Variants in CCSER2 observed in about 807,000 individuals in gnomAD.
CCSER2 encodes coiled-coil serine rich protein 2.
CCSER2 carries 46 observed loss-of-function variants against 92.3 expected under a neutral mutation model. The ratio of observed to expected loss-of-function variants is 0.50; its 90% confidence interval spans 0.39 to 0.64. The LOEUF (loss-of-function observed/expected upper bound fraction) is 0.64, where lower values mean the gene tolerates loss of function less well. Among genes scored for constraint, CCSER2 ranks in the 30% least tolerant of loss-of-function variants. CCSER2 has a pLI of 0.00. For synonymous variants in CCSER2, 433 were observed against 431.4 expected (o/e 1.00, Z -0.04); for missense variants, 1,244 against 1,238.9 (o/e 1.00, Z -0.06).
At chr10:84,408,944 A>G (rs1287624120) in intron 3 of CCSER2, among the ~76,000 whole-genome samples, 1 of 152,188 alleles carries the variant, frequency 6.6e-6, no homozygotes, top group East Asian at 1.9e-4. Flanking sequence ...GGTACTGTAA[A>G]TCAAAAAAAT....
chr10:84,441,876 C>T (rs944332182), intron 6 of CCSER2, among the ~76,000 whole-genome samples: 1 of 150,388 alleles, frequency 6.6e-6, no homozygotes, highest in Non-Finnish European at 1.5e-5. Context: ...CCTGCCTCAG[C>T]CTCCCTAGTA....
chr10:84,361,536 T>C (rs1331858088), intron 1 of CCSER2, among the ~76,000 whole-genome samples: 1 of 152,232 alleles, frequency 6.6e-6, no homozygotes, highest in African/African-American at 2.4e-5. Context: ...CTCTGGATTC[T>C]CTTGTTTAAA....
chr10:84,356,379 G>T (rs1262678721), intron 1 of CCSER2, among the ~76,000 whole-genome samples: 1 of 152,136 alleles, frequency 6.6e-6, no homozygotes, highest in East Asian at 1.9e-4. Context: ...AAATGTTAAG[G>T]TATGGGTGTC....
At chr10:84,355,351 C>A (rs1845106282) in intron 1 of CCSER2, among the ~76,000 whole-genome samples, 2 of 152,178 alleles carry the variant, frequency 1.3e-5, no homozygotes, top group Non-Finnish European at 2.9e-5. Flanking sequence ...ATGTGTCATG[C>A]TGATTCTATG....
intron 3 of CCSER2, among the ~76,000 whole-genome samples, chr10:84,416,701 G>A (rs186129406): frequency 6.6e-6 from 1 of 152,216 alleles, no homozygotes; most frequent in Non-Finnish European, 1.5e-5. Flanking sequence ...GGCCGAGGCA[G>A]GCAGATCATG....
intron 1 of CCSER2, among the ~76,000 whole-genome samples, chr10:84,366,963 A>G (rs1443868418): frequency 2.0e-5 from 3 of 152,218 alleles, no homozygotes; most frequent in Non-Finnish European, 4.4e-5. Flanking sequence ...TGAATTTAGA[A>G]TAAATTTTTA....
intron 2 of CCSER2, 94 bp downstream of exon 2, chr10:84,372,563 T>C: frequency 1.2e-6 from 1 of 814,096 alleles, no homozygotes; most frequent in Non-Finnish European, 1.9e-6. Flanking sequence ...TTCAAGATAT[T>C]ATCAGTTTCA....
intron 8 of CCSER2, among the ~76,000 whole-genome samples, chr10:84,470,769 C>T (rs1350903642): frequency 2.0e-5 from 3 of 151,972 alleles, no homozygotes; most frequent in Non-Finnish European, 4.4e-5. Flanking sequence ...TTTAAAGAAA[C>T]AAGTACTTGT....
At chr10:84,407,128 T>C (rs1211917178) in intron 3 of CCSER2, among the ~76,000 whole-genome samples, 1 of 152,188 alleles carries the variant, frequency 6.6e-6, no homozygotes, top group Non-Finnish European at 1.5e-5. Flanking sequence ...ACAATTTAAA[T>C]CTCTTTGCTT....
chr10:84,375,611 G>T (rs1195054014), intron 3 of CCSER2, among the ~76,000 whole-genome samples: 2 of 123,264 alleles, frequency 1.6e-5, no homozygotes, highest in African/African-American at 3.1e-5. Flanking sequence ...TATGCTTTTT[G>T]TTTTCACACT....
At chr10:84,499,561 G>A (rs1848615960) in intron 9 of CCSER2, among the ~76,000 whole-genome samples, 1 of 151,930 alleles carries the variant, frequency 6.6e-6, no homozygotes, top group Non-Finnish European at 1.5e-5. Flanking sequence ...CAAAAGACTG[G>A]AATCTGCTAC....
intron 9 of CCSER2, among the ~76,000 whole-genome samples, chr10:84,501,834 A>AAATATATAT (rs1167460274): frequency 5.0e-5 from 2 of 40,140 alleles, no homozygotes; most frequent in African/African-American, 9.4e-5. Context: ...AAAAAAAAAA[A>AAATATATAT]ATATATATAT....
chr10:84,331,350 G>A (rs1458550920), intron 1 of CCSER2, among the ~76,000 whole-genome samples: 1 of 152,154 alleles, frequency 6.6e-6, no homozygotes, highest in African/African-American at 2.4e-5. Flanking sequence ...CCTTGTGGCT[G>A]AGAAACATGA....
chr10:84,402,975 TA>T (rs1409249087), intron 3 of CCSER2, among the ~76,000 whole-genome samples: 1 of 152,112 alleles, frequency 6.6e-6, no homozygotes, highest in Admixed American at 6.5e-5. Flanking sequence ...AAAATTTATA[TA>T]AAAAAGCAAG....
intron 9 of CCSER2, among the ~76,000 whole-genome samples, chr10:84,505,696 A>G (rs1176766944): frequency 2.6e-5 from 4 of 152,132 alleles, no homozygotes; most frequent in Non-Finnish European, 5.9e-5. Flanking sequence ...GCCAATTTCA[A>G]GGACTATCTA....
intron 9 of CCSER2, among the ~76,000 whole-genome samples, chr10:84,510,068 C>G (rs1849272200): frequency 1.3e-5 from 2 of 152,140 alleles, no homozygotes; most frequent in Admixed American, 6.5e-5. Context: ...ATCTATATCT[C>G]CCATCATCTA....
Position 84,513,869 on chromosome 10 carries a change from C to T in CCSER2, c.2746C>T (p.Gln916Ter). The change falls in exon 10 of 10, where the codon CAG becomes TAG. Residue 916 changes from glutamine to a stop codon, truncating the protein, a stop_gained. Transcript: ENST00000372088. LOFTEE classifies it high-confidence loss of function. ...GTCTCCGCCAGTGGGTTATATGTCTCAGCCCAAGTCCTTGCAGCTTTTAAA... is the reference window on the plus strand; with the variant it reads ...GTCTCCGCCAGTGGGTTATATGTCTTAGCCCAAGTCCTTGCAGCTTTTAAA... ...NQSPPVGYMS[Q>*]PKSLQLLKPS... is the part of the protein sequence containing the mutation. 1 of 1,536,342 alleles carries T rather than the reference C, an allele frequency of 6.5e-7. No homozygotes were observed. The highest frequency in any genetic ancestry group is 8.7e-7 in the Non-Finnish European group (1 of 1,146,950).
chr10:84,432,670 C>T (rs1246884035), intron 5 of CCSER2, among the ~76,000 whole-genome samples: 1 of 152,134 alleles, frequency 6.6e-6, no homozygotes, highest in Non-Finnish European at 1.5e-5. Context: ...TTTTTCCAGT[C>T]GGTGGCTTAT....
At chr10:84,461,677 C>G (rs1564690267) in intron 6 of CCSER2, among the ~76,000 whole-genome samples, 1 of 150,972 alleles carries the variant, frequency 6.6e-6, no homozygotes, top group African/African-American at 2.4e-5. Flanking sequence ...TTTTTTTCCC[C>G]CTGAGATTTT....
Sources: gnomAD v4.1 joint callset for allele counts (sites outside exome capture counted in the v4.1 genomes callset) on GRCh38, gnomAD v4.1.1 for gene constraint, MANE v1.5 for transcripts, NCBI Gene and HGNC (gene_info 2026-07-23, HGNC 2026-07-21) for gene names.